MAN2B2: variants seen among roughly 807,000 people sequenced by gnomAD.
MAN2B2 encodes the protein epididymis-specific alpha-mannosidase.
A neutral mutation model predicts 117.1 loss-of-function variants in MAN2B2; 106 were observed. The observed-to-expected ratio is 0.90, with a 90% CI of 0.77 to 1.06. MAN2B2 has a LOEUF of 1.06. Ranked by LOEUF, MAN2B2 falls within the 50% of genes least tolerant of loss-of-function variation. The pLI is 0.00. For missense variants in MAN2B2, 1,326 were observed against 1,381.4 expected, an observed-to-expected ratio of 0.96 and a Z score of 0.64; for synonymous variants, 544 against 595.1, an observed-to-expected ratio of 0.91 and a Z score of 1.25.
chr4:6,605,252 C>T lies in MAN2B2; in HGVS notation c.1737C>T (p.Tyr579=). Residue 579 remains tyrosine (Y), a synonymous_variant, in exon 11 of 19, where the codon TAC becomes TAT. Coordinates refer to ENST00000285599, the MANE Select transcript of MAN2B2 (RefSeq NM_015274.3). ...GACGCACCAGCCATGCGGGCAGGTACTTGGTGCCTGTGGCAAACGACTGCT... is the reference window on the plus strand; with the variant it reads ...GACGCACCAGCCATGCGGGCAGGTATTTGGTGCCTGTGGCAAACGACTGCT... ...LRRRTSHAGR[Y]LVPVANDCYI... is the part of the protein sequence containing the mutation. 6 of 1,614,218 alleles carry T rather than the reference C, an allele frequency of 3.7e-6. No individual in the cohort carries two copies. The highest frequency in any genetic ancestry group is 5.1e-6 in the Non-Finnish European group (6 of 1,180,034).
chr4:6,585,834 ATG>A (rs1427343485), intron 3 of MAN2B2, among the ~76,000 whole-genome samples: 1 of 152,156 alleles, frequency 6.6e-6, no homozygotes, highest in African/African-American at 2.4e-5. Flanking sequence ...GTGACTGGTC[ATG>A]GCACAGCAGC....
chr4:6,589,059 G>C lies in MAN2B2; in HGVS notation c.579G>C (p.Val193=). ...TCGGTTTGCAGGGGCTGCAGTTCGT[G>C]TGGCGAGGGTCCCCATCCCTCTCAG... ...AMQEARGLQF[V]WRGSPSLSER... is the part of the protein sequence containing the mutation. The change falls in exon 5 of 19, where the codon GTG becomes GTC. Residue 193 remains valine (V), a synonymous_variant. Coordinates refer to ENST00000285599, the MANE Select transcript of MAN2B2 (RefSeq NM_015274.3). The C allele has an allele frequency of 6.2e-7, 1 of 1,614,034 alleles. No homozygotes were observed. Among genetic ancestry groups the C allele is most frequent in the African/African-American group, 1.3e-5 (1 of 75,046 alleles).
intron 4 of MAN2B2, among the ~76,000 whole-genome samples, chr4:6,588,245 A>C (rs1352221033): frequency 6.6e-6 from 1 of 152,132 alleles, no homozygotes; most frequent in Non-Finnish European, 1.5e-5. Flanking sequence ...TGAAGGTGTG[A>C]GGGAAGGGGC....
Position 6,594,632 on chromosome 4 carries a change from G to C in MAN2B2, c.957G>C (p.Ser319=). The C allele has an allele frequency of 6.2e-7, 1 of 1,613,662 alleles. No individual in the cohort carries two copies. Among genetic ancestry groups the C allele is most frequent in the Non-Finnish European group, 8.5e-7 (1 of 1,180,014 alleles). The change falls in exon 7 of 19, where the codon TCG becomes TCC. Residue 319 remains serine (S), a synonymous_variant. Coordinates refer to ENST00000285599, the MANE Select transcript of MAN2B2 (RefSeq NM_015274.3). ...GCCATGCTGCCGAGCTCGGTGTCTC[G>C]GTGCAGTATGCCACGCTGGGCGACT... ...INSHAAELGV[S]VQYATLGDYF...
At chr4:6,589,252 GT>G in intron 5 of MAN2B2, 92 bp downstream of exon 5, 1 of 1,006,442 alleles carries the variant, frequency 9.9e-7, no homozygotes, top group Non-Finnish European at 1.5e-6. Flanking sequence ...TTGTTTATTG[GT>G]TTTAAGACAA....
intron 11 of MAN2B2, among the ~76,000 whole-genome samples, chr4:6,605,729 C>A (rs1727518908): frequency 6.6e-6 from 1 of 152,064 alleles, no homozygotes; most frequent in Non-Finnish European, 1.5e-5. Context: ...TCTATTCACC[C>A]ACCCACTTAT....
chr4:6,610,138 A>C (rs900516304), intron 13 of MAN2B2, 88 bp downstream of exon 13: 37 of 1,531,324 alleles, frequency 2.4e-5, no homozygotes, highest in Non-Finnish European at 3.3e-5. Context: ...AGAGGCCAGT[A>C]GAGGCCTCCA....
intron 3 of MAN2B2, among the ~76,000 whole-genome samples, 190 bp downstream of exon 3, chr4:6,578,688 G>A (rs1377801740): frequency 6.6e-6 from 1 of 152,082 alleles, no homozygotes; most frequent in Non-Finnish European, 1.5e-5. Flanking sequence ...TAGGGGTTAA[G>A]AGCATGGATG....
At chr4:6,619,597 G>A (rs75225985) in intron 17 of MAN2B2, 5 of 272,082 alleles carry the variant, frequency 1.8e-5, no homozygotes, top group African/African-American at 1.1e-4. Context: ...ACTGGGCACG[G>A]GGCCACCTGA....
intron 5 of MAN2B2, among the ~76,000 whole-genome samples, chr4:6,590,490 G>A (rs570815385): frequency 5.3e-5 from 8 of 152,252 alleles, no homozygotes; most frequent in Admixed American, 6.5e-5. Context: ...TCGCCTGTCC[G>A]TACCTGCCAG....
At chr4:6,610,802 TG>T (rs1727737008) in intron 13 of MAN2B2, 77 bp from the exon 14 acceptor site, 1 of 1,232,124 alleles carries the variant, frequency 8.1e-7, no homozygotes, top group Non-Finnish European at 1.2e-6. Flanking sequence ...GAGCACCAGC[TG>T]GGGTGGCCAG....
At chr4:6,599,026 G>A (rs1397544032) in intron 9 of MAN2B2, among the ~76,000 whole-genome samples, 4 of 152,230 alleles carry the variant, frequency 2.6e-5, no homozygotes, top group East Asian at 3.9e-4. Flanking sequence ...CCCTCCGCCC[G>A]CATGAGACTT....
intron 1 of MAN2B2, 31 bp from the exon 2 acceptor site, chr4:6,576,547 C>CG (rs768035514): frequency 1.9e-6 from 3 of 1,588,856 alleles, no homozygotes; most frequent in Non-Finnish European, 2.6e-6. Flanking sequence ...CTTGTTGGAC[C>CG]GGGGCTGGCA....
intron 9 of MAN2B2, 51 bp downstream of exon 9, chr4:6,598,405 TGAG>T: frequency 1.3e-6 from 2 of 1,576,750 alleles, no homozygotes. Flanking sequence ...AGGGAGAGCC[TGAG>T]GAGGTCAGGG....
intron 10 of MAN2B2, among the ~76,000 whole-genome samples, 194 bp from the exon 11 acceptor site, chr4:6,604,861 C>A (rs976471259): frequency 6.6e-6 from 1 of 151,968 alleles, no homozygotes; most frequent in African/African-American, 2.4e-5. Context: ...ATCTTCAGGT[C>A]GCTGAAGGGT....
chr4:6,621,058 G>T, intron 18 of MAN2B2, 130 bp from the exon 19 acceptor site: 1 of 650,268 alleles, frequency 1.5e-6, no homozygotes, highest in Non-Finnish European at 2.7e-6. Context: ...ACAGCAGATT[G>T]TAGACAGGTG....
At chr4:6,586,358 C>T (rs938630738) in intron 3 of MAN2B2, among the ~76,000 whole-genome samples, 1 of 152,182 alleles carries the variant, frequency 6.6e-6, no homozygotes, top group African/African-American at 2.4e-5. Context: ...ACATTGCTGG[C>T]CTTGGACGTC....
Position 6,609,904 on chromosome 4 carries a change from C to T in MAN2B2, c.2113C>T (p.Gln705Ter). The change falls in exon 13 of 19, where the codon CAA (glutamine) becomes TAA (stop). Residue 705 changes from glutamine to a stop codon, truncating the protein, a stop_gained. Transcript: ENST00000285599. LOFTEE classifies it high-confidence loss of function. ...CTGCCACCGGATAGAGCAGGAGTAC[C>T]AAGCCGGCCCCCTGGAGCTGAACCG... is the stretch of plus-strand genomic sequence containing the variant. The part of the protein sequence containing the change: ...LLCHRIEQEY[Q>*]AGPLELNREA... The T allele has an allele frequency of 1.2e-6, 2 of 1,614,148 alleles. No individual in the cohort carries two copies. The highest frequency in any genetic ancestry group is 2.2e-5 in the South Asian group (2 of 91,086).
chr4:6,581,794 C>T (rs1308852155), intron 3 of MAN2B2, among the ~76,000 whole-genome samples: 4 of 151,570 alleles, frequency 2.6e-5, no homozygotes, highest in Admixed American at 2.0e-4. Flanking sequence ...GGGCCTGGGG[C>T]ACTGGGCCTG....
Sources: gnomAD v4.1 joint callset for allele counts (sites outside exome capture counted in the v4.1 genomes callset) on GRCh38, gnomAD v4.1.1 for gene constraint, MANE v1.5 for transcripts, NCBI Gene and HGNC (gene_info 2026-07-23, HGNC 2026-07-21) for gene names.